ELMO1: variants seen among roughly 807,000 people sequenced by gnomAD.
ELMO1 encodes engulfment and cell motility 1, also known as engulfment and cell motility protein 1.
ELMO1 carries 26 observed loss-of-function variants against 98.9 expected under a neutral mutation model. The ratio of observed to expected loss-of-function variants is 0.26; its 90% CI spans 0.19 to 0.36. The LOEUF is 0.36. Among genes scored for constraint, ELMO1 ranks in the 10% least tolerant of loss-of-function variants. The probability of loss-of-function intolerance (pLI) is 1.00; values close to 1 mark genes in which losing one functional copy is unlikely to be tolerated. For missense variants in ELMO1, 627 were observed against 935.2 expected (o/e 0.67, Z 4.30); for synonymous variants, 346 against 346.0 (o/e 1.00, Z 0.00).
intron 1 of ELMO1, among the ~76,000 whole-genome samples, chr7:37,397,022 A>G (rs1803327150): frequency 6.6e-6 from 1 of 152,228 alleles, no homozygotes; most frequent in Admixed American, 6.5e-5. Flanking sequence ...CTGAACCCAA[A>G]GAGAGACTGA....
intron 6 of ELMO1, among the ~76,000 whole-genome samples, chr7:37,248,369 GCTGTGTGA>G (rs1285179343): frequency 6.6e-6 from 1 of 152,060 alleles, no homozygotes; most frequent in East Asian, 1.9e-4. Flanking sequence ...CTTCAAATGG[GCTGTGTGA>G]CCCTTTCTCA....
At chr7:37,260,489 G>A (rs973772247) in intron 5 of ELMO1, among the ~76,000 whole-genome samples, 1 of 152,072 alleles carries the variant, frequency 6.6e-6, no homozygotes, top group Non-Finnish European at 1.5e-5. Context: ...CCTGGAATAG[G>A]GGAGGGAATC....
At chr7:37,212,682 C>T (rs1002454977) in intron 12 of ELMO1, among the ~76,000 whole-genome samples, 4 of 152,186 alleles carry the variant, frequency 2.6e-5, no homozygotes, top group African/African-American at 4.8e-5. Context: ...CAGGCCCTCA[C>T]GTGCCAATAA....
intron 16 of ELMO1, among the ~76,000 whole-genome samples, chr7:36,914,660 T>C (rs1315434601): frequency 1.3e-5 from 2 of 152,020 alleles, no homozygotes; most frequent in African/African-American, 4.8e-5. Context: ...ACTACAGGTG[T>C]GGGCCACCAC....
chr7:36,858,856 C>T (rs1802400538), intron 21 of ELMO1, among the ~76,000 whole-genome samples: 1 of 152,186 alleles, frequency 6.6e-6, no homozygotes, highest in South Asian at 2.1e-4. Context: ...GAACACAGCC[C>T]TGCTGATACC....
At chr7:36,906,289 A>G (rs1180031631) in intron 16 of ELMO1, among the ~76,000 whole-genome samples, 1 of 152,050 alleles carries the variant, frequency 6.6e-6, no homozygotes, top group East Asian at 1.9e-4. Flanking sequence ...TCTGTGATAT[A>G]TACAAGAAAA....
rs76739520 is a variant in ELMO1, at chr7:37,234,978, T to A, written c.450-1784A>T. ...CATTCAGACCAGATAGAAAAGCAGC[T>A]AATATCTCTGGCTTTTCAGAGCTGC... On this transcript the variant is annotated intron_variant, in intron 7 of 21. Coordinates refer to ENST00000310758, the MANE Select transcript of ELMO1 (RefSeq NM_014800.11). Among the ~76,000 whole-genome samples, 374 of 152,306 alleles carry A rather than the reference T, an allele frequency of 2.5e-3. 2 individuals carry two copies. Among genetic ancestry groups the A allele is most frequent in the African/African-American group, 8.7e-3 (363 of 41,576 alleles).
At chr7:37,130,451 C>A (rs147224259) in intron 14 of ELMO1, among the ~76,000 whole-genome samples, 1 of 152,262 alleles carries the variant, frequency 6.6e-6, no homozygotes, top group East Asian at 1.9e-4. Flanking sequence ...GAGCAACGGT[C>A]AGCAACAGAG....
intron 1 of ELMO1, chr7:37,393,813 T>C (rs1238862082): frequency 2.6e-5 from 4 of 152,176 alleles, no homozygotes; most frequent in Non-Finnish European, 5.9e-5. Flanking sequence ...CCCATAAAGA[T>C]TGGCCTACCT....
intron 15 of ELMO1, among the ~76,000 whole-genome samples, chr7:37,078,614 A>G (rs138583278): frequency 5.6e-4 from 86 of 152,340 alleles, no homozygotes; most frequent in African/African-American, 2.0e-3. Context: ...AAATAAATAA[A>G]AAGCTTTAAG....
chr7:37,217,458 T>C (rs1429511031), intron 10 of ELMO1, among the ~76,000 whole-genome samples: 1 of 151,944 alleles, frequency 6.6e-6, no homozygotes, highest in Non-Finnish European at 1.5e-5. Context: ...AGGAAGACAC[T>C]TGACCGTTGT....
intron 1 of ELMO1, among the ~76,000 whole-genome samples, chr7:37,374,541 G>A (rs765637754): frequency 1.3e-5 from 2 of 151,964 alleles, no homozygotes; most frequent in African/African-American, 2.4e-5. Context: ...CACAAGGTCA[G>A]GAGATCAAGA....
chr7:36,902,236 A>T (rs1371426545), intron 16 of ELMO1, among the ~76,000 whole-genome samples: 2 of 152,250 alleles, frequency 1.3e-5, no homozygotes, highest in African/African-American at 4.8e-5. Context: ...CATTAATAAA[A>T]GCAAAAAAGC....
intron 14 of ELMO1, among the ~76,000 whole-genome samples, chr7:37,120,002 G>A (rs1275466892): frequency 6.6e-6 from 1 of 152,192 alleles, no homozygotes; most frequent in African/African-American, 2.4e-5. Flanking sequence ...AAAAAGAATT[G>A]CCAGATATGT....
intron 16 of ELMO1, among the ~76,000 whole-genome samples, chr7:36,901,729 A>G (rs908491723): frequency 2.0e-5 from 3 of 152,226 alleles, no homozygotes; most frequent in Non-Finnish European, 2.9e-5. Context: ...ATTAGGATTA[A>G]GAGATGTAGA....
chr7:37,370,728 C>T (rs1053492132), intron 1 of ELMO1, among the ~76,000 whole-genome samples: 1 of 152,116 alleles, frequency 6.6e-6, no homozygotes, highest in African/African-American at 2.4e-5. Context: ...ATTTTACACC[C>T]AAAAGGCTAG....
At chr7:37,025,076 T>A (rs980081666) in intron 15 of ELMO1, among the ~76,000 whole-genome samples, 2 of 152,212 alleles carry the variant, frequency 1.3e-5, no homozygotes, top group Non-Finnish European at 2.9e-5. Context: ...CTCTTTTCCT[T>A]TGTCCTCCAG....
intron 13 of ELMO1, among the ~76,000 whole-genome samples, chr7:37,199,601 A>G (rs1006249921): frequency 6.6e-6 from 1 of 152,238 alleles, no homozygotes; most frequent in African/African-American, 2.4e-5. Context: ...CGGAGTAGGA[A>G]GAAGGGAGTA....
chr7:37,170,391 A>C (rs909766227), intron 13 of ELMO1, among the ~76,000 whole-genome samples: 3 of 152,176 alleles, frequency 2.0e-5, no homozygotes, highest in Admixed American at 2.0e-4. Flanking sequence ...GAAAACCCTG[A>C]GATATACCAG....
Sources: gnomAD v4.1 joint callset for allele counts (sites outside exome capture counted in the v4.1 genomes callset) on GRCh38, gnomAD v4.1.1 for gene constraint, MANE v1.5 for transcripts, NCBI Gene and HGNC (gene_info 2026-07-23, HGNC 2026-07-21) for gene names.